Variants in AMMECR1 observed in about 807,000 individuals in gnomAD.
The protein encoded by AMMECR1 is AMMECR nuclear protein 1.
Under a neutral mutation model 22.5 loss-of-function variants are expected in AMMECR1, and 3 were observed. The ratio of observed to expected loss-of-function variants is 0.13; its 90% CI spans 0.06 to 0.35. AMMECR1 has a LOEUF of 0.35. Among genes scored for constraint, AMMECR1 ranks in the 10% least tolerant of loss-of-function variants. The pLI, the probability that AMMECR1 is intolerant of heterozygous loss-of-function variation, is 1.00. For synonymous variants in AMMECR1, 130 were observed against 116.7 expected, an observed-to-expected ratio of 1.11 and a Z score of -0.74; for missense variants, 235 against 278.7, an observed-to-expected ratio of 0.84 and a Z score of 1.12.
chrX:110,323,740 T>G (rs34407792), intron 2 of AMMECR1, among the ~76,000 whole-genome samples: 1 of 111,721 alleles, frequency 9.0e-6, no homozygotes, highest in Non-Finnish European at 1.9e-5. Context: ...TGTGTAGATG[T>G]GTGTTTTCAT....
upstream of AMMECR1, among the ~76,000 whole-genome samples, chrX:110,319,163 T>C (rs757582124): frequency 2.9e-3 from 328 of 112,453 alleles, 2 homozygotes; most frequent in African/African-American, 0.01. Flanking sequence ...TATGAGTCAG[T>C]CCCTTTCTGG....
Position 110,278,183 on chromosome X carries a change from T to C in AMMECR1, c.474-13584A>G, listed in dbSNP as rs7890284. ...GTCACCTAAGGCCAGGAACCCTACA[T>C]TAAGGAAACCAGATATGAAAATTTC... On this transcript the variant is annotated intron_variant, in intron 1 of 5. Transcript: ENST00000262844. 7.5e-3 allele frequency among the ~76,000 whole-genome samples: 836 copies of C among 111,717 alleles called. 6 individuals carry two copies. The highest frequency in any genetic ancestry group is 0.025 in the African/African-American group (775 of 30,763).
intron 1 of AMMECR1, among the ~76,000 whole-genome samples, chrX:110,428,430 A>G (rs1227728110): frequency 8.9e-6 from 1 of 111,938 alleles, no homozygotes; most frequent in Non-Finnish European, 1.9e-5. Flanking sequence ...CTCACACATT[A>G]TAGGTGCTCA....
At chrX:110,291,339 A>T (rs1173167605) in intron 1 of AMMECR1, among the ~76,000 whole-genome samples, 1 of 110,779 alleles carries the variant, frequency 9.0e-6, no homozygotes, top group Non-Finnish European at 1.9e-5. Context: ...CCTGGCCAAC[A>T]TGGTGAAACC....
At chrX:110,276,644 C>G (rs1425948945) in intron 1 of AMMECR1, among the ~76,000 whole-genome samples, 1 of 111,745 alleles carries the variant, frequency 8.9e-6, no homozygotes, top group East Asian at 2.8e-4. Flanking sequence ...ACAACTCTTG[C>G]TGTAGGAACT....
chrX:110,418,337 GTC>G (rs1445730967), intron 2 of AMMECR1, among the ~76,000 whole-genome samples: 1 of 112,273 alleles, frequency 8.9e-6, no homozygotes, highest in Non-Finnish European at 1.9e-5. Flanking sequence ...ACACACTCGA[GTC>G]TCTCACTGTG....
chrX:110,300,659 T>G (rs955829947), intron 1 of AMMECR1, among the ~76,000 whole-genome samples: 1 of 112,185 alleles, frequency 8.9e-6, no homozygotes, highest in Non-Finnish European at 1.9e-5. Flanking sequence ...AATTTCATAA[T>G]GCTTTATTTT....
At chrX:110,288,793 C>A (rs1296838390) in intron 1 of AMMECR1, among the ~76,000 whole-genome samples, 1 of 112,184 alleles carries the variant, frequency 8.9e-6, no homozygotes, top group African/African-American at 3.2e-5. Flanking sequence ...CTGGACTAAA[C>A]TATTCTGATA....
chrX:110,209,077 C>G (rs564269396), intron 3 of AMMECR1, among the ~76,000 whole-genome samples: 5 of 100,460 alleles, frequency 5.0e-5, no homozygotes, highest in African/African-American at 1.8e-4. Context: ...ACTTAGTTTA[C>G]TTTCCAAAGG....
At chrX:110,424,604 C>A (rs2068741084) in intron 2 of AMMECR1, among the ~76,000 whole-genome samples, 1 of 112,219 alleles carries the variant, frequency 8.9e-6, no homozygotes, top group Admixed American at 9.4e-5. Flanking sequence ...ATGGCTCCTG[C>A]CCTGGAGTTG....
At chrX:110,394,930 C>CAGGCTTATACTAGCCT (rs1229237551) in intron 2 of AMMECR1, among the ~76,000 whole-genome samples, 1 of 112,893 alleles carries the variant, frequency 8.9e-6, no homozygotes, top group African/African-American at 3.2e-5. Flanking sequence ...GTGCCAGCCT[C>CAGGCTTATACTAGCCT]AGGCTTATAC....
upstream of AMMECR1, among the ~76,000 whole-genome samples, chrX:110,319,620 C>A (rs1419206302): frequency 3.6e-5 from 4 of 111,990 alleles, no homozygotes; most frequent in Non-Finnish European, 7.5e-5. Flanking sequence ...GTCTCCAATA[C>A]CATACCTCGT....
chrX:110,355,274 C>A (rs1301600587), intron 2 of AMMECR1, among the ~76,000 whole-genome samples: 4 of 111,922 alleles, frequency 3.6e-5, no homozygotes, highest in Non-Finnish European at 7.5e-5. Context: ...GTGGTGCACA[C>A]CTATAGTCCT....
At chrX:110,232,798 G>A (rs756226583) in intron 2 of AMMECR1, among the ~76,000 whole-genome samples, 130 of 103,758 alleles carry the variant, frequency 1.3e-3, no homozygotes, top group African/African-American at 4.2e-3. Context: ...GCTGAGGCAG[G>A]AGAATGGCGT....
chrX:110,368,954 A>G (rs1449141519), intron 2 of AMMECR1, among the ~76,000 whole-genome samples: 1 of 111,874 alleles, frequency 8.9e-6, no homozygotes, highest in African/African-American at 3.3e-5. Flanking sequence ...TCTGGTAGTG[A>G]GTTTAGTCTT....
intron 2 of AMMECR1, among the ~76,000 whole-genome samples, chrX:110,378,001 T>C (rs1602946781): frequency 1.5e-5 from 1 of 65,109 alleles, no homozygotes; most frequent in Non-Finnish European, 2.5e-5. Context: ...AGAGCGAGAC[T>C]CCGTCTCAAA....
At chrX:110,324,860 A>G (rs766686296) in intron 2 of AMMECR1, among the ~76,000 whole-genome samples, 23 of 110,890 alleles carry the variant, frequency 2.1e-4, no homozygotes, top group African/African-American at 7.2e-4. Context: ...CATGGTATAT[A>G]ATTATTTTTT....
intron 2 of AMMECR1, among the ~76,000 whole-genome samples, chrX:110,324,422 C>T (rs1308522562): frequency 9.0e-6 from 1 of 111,533 alleles, no homozygotes; most frequent in Non-Finnish European, 1.9e-5. Context: ...AGTTTTACTT[C>T]TTTCTTTCCA....
At chrX:110,353,105 G>C (rs1025507400) in intron 2 of AMMECR1, among the ~76,000 whole-genome samples, 1 of 111,877 alleles carries the variant, frequency 8.9e-6, no homozygotes, top group African/African-American at 3.2e-5. Context: ...GTTTGTGTAT[G>C]GTTGTTCATA....
Sources: gnomAD v4.1 joint callset for allele counts (sites outside exome capture counted in the v4.1 genomes callset) on GRCh38, gnomAD v4.1.1 for gene constraint, MANE v1.5 for transcripts, NCBI Gene and HGNC (gene_info 2026-07-23, HGNC 2026-07-21) for gene names.